Variants in PLA2G4A observed in about 807,000 individuals in gnomAD.
The protein encoded by PLA2G4A is cytosolic phospholipase A2.
Under a neutral mutation model 81.9 loss-of-function variants are expected in PLA2G4A, and 40 were observed. The ratio of observed to expected loss-of-function variants is 0.49; its 90% CI spans 0.38 to 0.64. The LOEUF is 0.64. Among genes scored for constraint, PLA2G4A ranks in the 30% least tolerant of loss-of-function variants. The pLI, the probability that PLA2G4A is intolerant of heterozygous loss-of-function variation, is 0.00. For synonymous variants in PLA2G4A, 302 were observed against 296.9 expected (o/e 1.02, Z -0.18); for missense variants, 715 against 905.1 (o/e 0.79, Z 2.69).
intron 7 of PLA2G4A, among the ~76,000 whole-genome samples, chr1:186,917,833 T>C (rs1655193447): frequency 6.6e-6 from 1 of 152,232 alleles, no homozygotes; most frequent in Admixed American, 6.5e-5. Context: ...TCCATAAGCT[T>C]GTATGTGGGG....
chr1:186,867,052 AT>A (rs1182320482), intron 2 of PLA2G4A, among the ~76,000 whole-genome samples: 2 of 151,244 alleles, frequency 1.3e-5, no homozygotes, highest in African/African-American at 2.4e-5. Context: ...TTGTTTGTTT[AT>A]TTTTTTGTTT....
chr1:186,957,690 G>A (rs1204484887), intron 14 of PLA2G4A, among the ~76,000 whole-genome samples: 1 of 152,196 alleles, frequency 6.6e-6, no homozygotes, highest in African/African-American at 2.4e-5. Context: ...TCTTAAAACT[G>A]CCCAGCAAGA....
At chr1:186,909,716 A>C (rs1197347213) in intron 6 of PLA2G4A, among the ~76,000 whole-genome samples, 1 of 151,646 alleles carries the variant, frequency 6.6e-6, no homozygotes, top group Non-Finnish European at 1.5e-5. Flanking sequence ...CCCCCGTTAC[A>C]TGATTTCCAA....
intron 3 of PLA2G4A, among the ~76,000 whole-genome samples, chr1:186,879,845 A>AT (rs397982288): frequency 0.043 from 2,216 of 50,972 alleles, 24 homozygotes; most frequent in Middle Eastern, 0.19. Context: ...TTATATATAT[A>AT]TTTTTTTATT....
At chr1:186,949,495 G>A (rs1030047738) in intron 12 of PLA2G4A, among the ~76,000 whole-genome samples, 1 of 152,054 alleles carries the variant, frequency 6.6e-6, no homozygotes, top group Non-Finnish European at 1.5e-5. Flanking sequence ...TAATGTATAT[G>A]GCACCTGGGA....
intron 3 of PLA2G4A, among the ~76,000 whole-genome samples, chr1:186,890,369 C>T (rs1654092092): frequency 6.6e-6 from 1 of 152,064 alleles, no homozygotes; most frequent in African/African-American, 2.4e-5. Flanking sequence ...TGCTGTAAGA[C>T]ATTAAAGGAT....
chr1:186,907,023 G>A (rs1240372007), intron 6 of PLA2G4A, 21 bp downstream of exon 6: 2 of 1,319,490 alleles, frequency 1.5e-6, no homozygotes, highest in Admixed American at 3.4e-5. Flanking sequence ...TTATTTAGTT[G>A]GATGAGAAAT....
At chr1:186,870,373 A>G in intron 2 of PLA2G4A, 62 bp from the exon 3 acceptor site, 1 of 954,166 alleles carries the variant, frequency 1.0e-6, no homozygotes, top group Non-Finnish European at 1.7e-6. Context: ...AATTAATCTC[A>G]AGGAAAAAAT....
intron 7 of PLA2G4A, among the ~76,000 whole-genome samples, chr1:186,923,481 A>C (rs777290897): frequency 6.6e-6 from 1 of 152,234 alleles, no homozygotes; most frequent in Non-Finnish European, 1.5e-5. Context: ...TAGGCACTAG[A>C]GAAGAATAAA....
intron 8 of PLA2G4A, among the ~76,000 whole-genome samples, chr1:186,938,463 G>C (rs557924872): frequency 6.6e-6 from 1 of 152,082 alleles, no homozygotes; most frequent in Non-Finnish European, 1.5e-5. Context: ...CAGAAATTTA[G>C]AGACCTACAG....
intron 4 of PLA2G4A, among the ~76,000 whole-genome samples, chr1:186,893,365 T>G (rs1239497899): frequency 6.6e-6 from 1 of 152,196 alleles, no homozygotes; most frequent in Non-Finnish European, 1.5e-5. Flanking sequence ...TTGGGAAAAC[T>G]GCTGTCCTCC....
At chr1:186,910,806 A>G (rs956572205) in intron 6 of PLA2G4A, among the ~76,000 whole-genome samples, 8 of 152,188 alleles carry the variant, frequency 5.3e-5, no homozygotes, top group African/African-American at 1.9e-4. Flanking sequence ...TTCTGCAAGT[A>G]TGTTCCTCAG....
chr1:186,868,927 T>G (rs1186764701), intron 2 of PLA2G4A, among the ~76,000 whole-genome samples: 4 of 151,920 alleles, frequency 2.6e-5, no homozygotes, highest in African/African-American at 7.2e-5. Flanking sequence ...TCATCCTTTT[T>G]TTTTTTTTTC....
At chr1:186,948,801 G>A (rs745826183) in intron 12 of PLA2G4A, among the ~76,000 whole-genome samples, 4 of 152,128 alleles carry the variant, frequency 2.6e-5, no homozygotes, top group Non-Finnish European at 5.9e-5. Context: ...GTGTCAGACT[G>A]AGGGGGAATA....
At chr1:186,859,849 G>A (rs1652733833) in intron 2 of PLA2G4A, among the ~76,000 whole-genome samples, 1 of 152,110 alleles carries the variant, frequency 6.6e-6, no homozygotes, top group African/African-American at 2.4e-5. Context: ...GGTATGAATA[G>A]GACCTGCTGT....
intron 8 of PLA2G4A, among the ~76,000 whole-genome samples, chr1:186,934,621 C>A (rs1274760029): frequency 1.3e-5 from 2 of 151,486 alleles, no homozygotes; most frequent in Non-Finnish European, 3.0e-5. Flanking sequence ...TCAGCTTTTA[C>A]CTTTTTATTT....
At chr1:186,850,670 A>G (rs1229988474) in intron 1 of PLA2G4A, among the ~76,000 whole-genome samples, 1 of 152,112 alleles carries the variant, frequency 6.6e-6, no homozygotes, top group Non-Finnish European at 1.5e-5. Flanking sequence ...CTGCTATGCC[A>G]TTCTCATTAT....
intron 3 of PLA2G4A, among the ~76,000 whole-genome samples, chr1:186,891,033 T>C (rs1449917329): frequency 6.6e-6 from 1 of 152,170 alleles, no homozygotes; most frequent in Non-Finnish European, 1.5e-5. Flanking sequence ...AATATTCTTC[T>C]CACAATGACT....
chr1:186,894,668 T>A (rs748290836), intron 5 of PLA2G4A, among the ~76,000 whole-genome samples: 1 of 152,172 alleles, frequency 6.6e-6, no homozygotes, highest in Non-Finnish European at 1.5e-5. Flanking sequence ...TGGGGGAATA[T>A]TTCTGTCTCA....
Sources: allele counts gnomAD v4.1 joint callset (sites outside exome capture counted in the v4.1 genomes callset), GRCh38; gene constraint gnomAD v4.1.1; transcripts MANE v1.5; gene names NCBI Gene and HGNC (gene_info 2026-07-23, HGNC 2026-07-21).